The following TENM2 variants were observed in gnomAD, a reference collection of about 807,000 sequenced individuals.
TENM2 encodes teneurin transmembrane protein 2.
Under a neutral mutation model 245.2 loss-of-function variants are expected in TENM2, and 52 were observed. The ratio of observed to expected loss-of-function variants is 0.21; its 90% CI spans 0.17 to 0.27. TENM2 has a LOEUF of 0.27. Among genes scored for constraint, TENM2 ranks in the 10% least tolerant of loss-of-function variants. The pLI, the probability that TENM2 is intolerant of heterozygous loss-of-function variation, is 1.00. For missense variants in TENM2, 3,046 were observed against 3,666.8 expected (o/e 0.83, Z 4.37); for synonymous variants, 1,363 against 1,438.9 (o/e 0.95, Z 1.19).
At position 167,375,410 on chromosome 5, in the gene TENM2, C is replaced by G; in HGVS notation, c.439C>G (p.Arg147Gly). ...CAGGCGCAGTTCCGGCCTGTCCAGT[C>G]GTGAAAACTCGGCCCTTACCCTGAC... The change falls in exon 2 of 29, where the codon CGT (arginine) becomes GGT (glycine). Residue 147 changes from arginine to glycine, a missense_variant. Transcript: ENST00000518659. The G allele has an allele frequency of 7.7e-6, 12 of 1,551,644 alleles. No individual in the cohort carries two copies. Among genetic ancestry groups the G allele is most frequent in the Non-Finnish European group, 1.0e-5 (12 of 1,146,980 alleles).
chr5:168,243,723 T>C (rs1766303689), intron 25 of TENM2, among the ~76,000 whole-genome samples: 1 of 152,182 alleles, frequency 6.6e-6, no homozygotes, highest in Non-Finnish European at 1.5e-5. Context: ...GGTTCAAGTC[T>C]GTTGTATATT....
rs530047910 is a variant in TENM2 at position 168,247,095 on chromosome 5, C to T, written c.6156C>T (p.Val2052=). The T allele has an allele frequency of 6.2e-7, 1 of 1,613,932 alleles. No individual in the cohort carries two copies. The highest frequency in any genetic ancestry group is 1.3e-5 in the African/African-American group (1 of 75,032). ...AGACCACTGGTGTCTTGAAGATGGT[C>T]AACCTCCAAAGTGGGGGCTTCTCCT... The change falls in exon 27 of 29, where the codon GTC becomes GTT. Residue 2052 remains valine, a synonymous_variant. Coordinates refer to ENST00000518659, the Ensembl canonical transcript of TENM2. The surrounding 1 kb of genome is among the most constrained non-coding windows in gnomAD (Gnocchi z 7.8).
intron 25 of TENM2, among the ~76,000 whole-genome samples, chr5:168,236,722 A>G (rs1388808279): frequency 2.6e-5 from 4 of 151,262 alleles, no homozygotes; most frequent in African/African-American, 4.9e-5. Flanking sequence ...GTCTTGTTCT[A>G]TCTTACAACA....
the TENM2 span, among the ~76,000 whole-genome samples, chr5:167,251,901 A>C: frequency 4.1e-4 from 63 of 152,286 alleles, no homozygotes; most frequent in African/African-American, 1.5e-3. Flanking sequence ...TGTTGGAGAA[A>C]TATTTATTGA....
At chr5:167,718,621 A>T (rs775206289) in intron 2 of TENM2, among the ~76,000 whole-genome samples, 11 of 152,214 alleles carry the variant, frequency 7.2e-5, no homozygotes, top group African/African-American at 2.7e-4. Context: ...TGATATCTGA[A>T]TTATTTTATC....
At chr5:168,034,190 A>C (rs559676834) in intron 5 of TENM2, among the ~76,000 whole-genome samples, 22 of 140,684 alleles carry the variant, frequency 1.6e-4, no homozygotes, top group South Asian at 7.4e-4. Context: ...CACACACACA[A>C]AAATTAATCA....
At chr5:167,821,540 A>G (rs543787790) in intron 2 of TENM2, among the ~76,000 whole-genome samples, 2 of 152,318 alleles carry the variant, frequency 1.3e-5, no homozygotes, top group South Asian at 2.1e-4. Flanking sequence ...AACCATCTAT[A>G]TAGCACACTA....
the TENM2 span, among the ~76,000 whole-genome samples, chr5:167,145,314 T>C: frequency 2.0e-5 from 3 of 152,312 alleles, no homozygotes; most frequent in Admixed American, 2.0e-4. Flanking sequence ...ACTTTGCCAG[T>C]TATCAGCCAC....
At chr5:167,380,815 A>G (rs184479421) in intron 2 of TENM2, among the ~76,000 whole-genome samples, 7 of 152,274 alleles carry the variant, frequency 4.6e-5, no homozygotes, top group African/African-American at 1.7e-4. Context: ...GTAAAATGGT[A>G]AGAAGCAAAA....
At chr5:167,599,778 T>G (rs1320159728) in intron 2 of TENM2, among the ~76,000 whole-genome samples, 1 of 152,112 alleles carries the variant, frequency 6.6e-6, no homozygotes, top group Non-Finnish European at 1.5e-5. Flanking sequence ...GCTTTTTGAT[T>G]AGTGAAATAT....
chr5:167,662,963 T>C (rs1755312745), intron 2 of TENM2, among the ~76,000 whole-genome samples: 1 of 152,212 alleles, frequency 6.6e-6, no homozygotes. Context: ...CATTTTCTAT[T>C]CCATTTTGTC....
chr5:167,390,389 A>G (rs926005522), intron 2 of TENM2, among the ~76,000 whole-genome samples: 4 of 152,226 alleles, frequency 2.6e-5, no homozygotes, highest in African/African-American at 7.2e-5. Flanking sequence ...AAGGAAATTC[A>G]CATCTACTAA....
chr5:167,077,277 G>A, the TENM2 span, among the ~76,000 whole-genome samples: 1 of 152,100 alleles, frequency 6.6e-6, no homozygotes. Flanking sequence ...CAATTATCAT[G>A]GGAAAATGGA....
chr5:167,629,801 C>A (rs1452156837), intron 2 of TENM2, among the ~76,000 whole-genome samples: 1 of 151,880 alleles, frequency 6.6e-6, no homozygotes, highest in African/African-American at 2.4e-5. Flanking sequence ...TATGACACCA[C>A]CCAGAGTGTG....
intron 13 of TENM2, chr5:168,165,876 GAGGGGT>G (rs1758250321): frequency 6.6e-6 from 1 of 151,424 alleles, no homozygotes; most frequent in Admixed American, 6.6e-5. Flanking sequence ...TGTCAGGTGA[GAGGGGT>G]AGACACCAAT....
At chr5:167,962,804 C>T (rs1031712749) in intron 4 of TENM2, among the ~76,000 whole-genome samples, 2 of 152,116 alleles carry the variant, frequency 1.3e-5, no homozygotes, top group African/African-American at 4.8e-5. Context: ...GTAACCGCCC[C>T]CATGATTAAG....
chr5:168,139,181 T>C (rs768521693), intron 12 of TENM2, among the ~76,000 whole-genome samples: 2 of 152,224 alleles, frequency 1.3e-5, no homozygotes, highest in Non-Finnish European at 2.9e-5. Flanking sequence ...TCAAACTGTA[T>C]GGATACACAC....
chr5:168,021,069 G>A (rs914962750), intron 5 of TENM2, among the ~76,000 whole-genome samples: 1 of 152,110 alleles, frequency 6.6e-6, no homozygotes, highest in Non-Finnish European at 1.5e-5. Flanking sequence ...GAGCAGGCTA[G>A]GAATCGTTTG....
intron 2 of TENM2, among the ~76,000 whole-genome samples, chr5:167,682,828 C>T (rs1756824594): frequency 6.6e-6 from 1 of 152,090 alleles, no homozygotes; most frequent in African/African-American, 2.4e-5. Flanking sequence ...AACAGCAAGA[C>T]TTATGGTATT....
Sources: allele counts gnomAD v4.1 joint callset (sites outside exome capture counted in the v4.1 genomes callset), GRCh38; gene constraint gnomAD v4.1.1; non-coding constraint Gnocchi (gnomAD v3.1); transcripts MANE v1.5; gene names NCBI Gene and HGNC (gene_info 2026-07-23, HGNC 2026-07-21).